The following DEUP1 variants were observed in gnomAD, a reference collection of about 807,000 sequenced individuals.
DEUP1 encodes the protein coiled-coil domain containing 67.
Under a neutral mutation model 87.4 loss-of-function variants are expected in DEUP1, and 82 were observed. The observed-to-expected ratio is 0.94, with a 90% CI of 0.78 to 1.13. The LOEUF (loss-of-function observed/expected upper bound fraction) is 1.13. Among genes scored for constraint, DEUP1 ranks in the 50% most tolerant of loss-of-function variants. The probability of loss-of-function intolerance (pLI) is 0.00; values close to 1 mark genes in which losing one functional copy is unlikely to be tolerated. For synonymous variants in DEUP1, 214 were observed against 222.7 expected, an observed-to-expected ratio of 0.96 and a Z score of 0.35; for missense variants, 663 against 681.5, an observed-to-expected ratio of 0.97 and a Z score of 0.30.
chr11:93,428,971 G>A (rs966404759), intron 13 of DEUP1, among the ~76,000 whole-genome samples: 1 of 152,078 alleles, frequency 6.6e-6, no homozygotes, highest in African/African-American at 2.4e-5. Flanking sequence ...TGTTTCTCTG[G>A]TGAATAATGA....
chr11:93,420,105 C>T (rs1947822851), intron 13 of DEUP1, among the ~76,000 whole-genome samples: 1 of 152,164 alleles, frequency 6.6e-6, no homozygotes, highest in African/African-American at 2.4e-5. Flanking sequence ...GGCAGAGACA[C>T]AACCAAATAA....
chr11:93,334,281 T>C (rs1214121263), intron 2 of DEUP1, among the ~76,000 whole-genome samples: 1 of 152,174 alleles, frequency 6.6e-6, no homozygotes, highest in Non-Finnish European at 1.5e-5. Flanking sequence ...GTTATGTAGC[T>C]TATTAAACCA....
At chr11:93,378,239 C>G (rs564887908) in intron 7 of DEUP1, among the ~76,000 whole-genome samples, 2 of 152,240 alleles carry the variant, frequency 1.3e-5, no homozygotes, top group East Asian at 3.9e-4. Context: ...TCAGGAACAC[C>G]AATTATTCTC....
At chr11:93,432,350 G>T (rs1055253808) in intron 13 of DEUP1, among the ~76,000 whole-genome samples, 1 of 152,272 alleles carries the variant, frequency 6.6e-6, no homozygotes, top group African/African-American at 2.4e-5. Context: ...AATGGATGTG[G>T]AATAATGAGG....
chr11:93,391,186 T>C (rs1369546929), intron 9 of DEUP1, among the ~76,000 whole-genome samples: 1 of 152,160 alleles, frequency 6.6e-6, no homozygotes, highest in African/African-American at 2.4e-5. Flanking sequence ...AAGTATTTTA[T>C]TTCTTTTCCT....
intron 8 of DEUP1, among the ~76,000 whole-genome samples, chr11:93,387,184 G>C (rs1175161098): frequency 6.6e-6 from 1 of 152,028 alleles, no homozygotes; most frequent in Admixed American, 6.6e-5. Flanking sequence ...AACTTCCATT[G>C]TATTTTAGAA....
chr11:93,417,040 A>T (rs1280888294), intron 13 of DEUP1, among the ~76,000 whole-genome samples: 1 of 151,264 alleles, frequency 6.6e-6, no homozygotes, highest in East Asian at 1.9e-4. Flanking sequence ...CAAAATAATA[A>T]GAGCTATCTA....
At chr11:93,387,392 T>A (rs1483610580) in intron 8 of DEUP1, among the ~76,000 whole-genome samples, 2 of 152,186 alleles carry the variant, frequency 1.3e-5, no homozygotes, top group African/African-American at 4.8e-5. Flanking sequence ...GGTAATGTTC[T>A]TATTCATTTT....
At chr11:93,397,545 T>A (rs1946979136) in intron 11 of DEUP1, among the ~76,000 whole-genome samples, 1 of 152,168 alleles carries the variant, frequency 6.6e-6, no homozygotes, top group Non-Finnish European at 1.5e-5. Context: ...ATATTCTGGG[T>A]CGTCACAGCC....
At chr11:93,405,537 C>A (rs1440058053) in intron 11 of DEUP1, among the ~76,000 whole-genome samples, 1 of 151,940 alleles carries the variant, frequency 6.6e-6, no homozygotes, top group Non-Finnish European at 1.5e-5. Flanking sequence ...GAAGCATTTT[C>A]TTCCATTCAA....
At chr11:93,334,962 T>C (rs1332821759) in intron 2 of DEUP1, among the ~76,000 whole-genome samples, 1 of 152,214 alleles carries the variant, frequency 6.6e-6, no homozygotes, top group Non-Finnish European at 1.5e-5. Context: ...TTCCCTTTTA[T>C]GGTTTATTCT....
chr11:93,331,500 CAT>C (rs2134850468), intron 1 of DEUP1, among the ~76,000 whole-genome samples: 1 of 152,020 alleles, frequency 6.6e-6, no homozygotes, highest in East Asian at 1.9e-4. Flanking sequence ...TCCTAAATCT[CAT>C]AGTTATAGTC....
chr11:93,354,556 G>A (rs1944787900), intron 2 of DEUP1, among the ~76,000 whole-genome samples: 1 of 152,152 alleles, frequency 6.6e-6, no homozygotes, highest in Non-Finnish European at 1.5e-5. Context: ...CGAGATTGGG[G>A]AGAAAAACAG....
At chr11:93,361,766 G>A (rs753987935) in intron 4 of DEUP1, among the ~76,000 whole-genome samples, 12 of 152,148 alleles carry the variant, frequency 7.9e-5, no homozygotes, top group Admixed American at 6.5e-4. Context: ...AAGGGCTTAA[G>A]CCTTGACATA....
At chr11:93,407,901 C>A (rs181354899) in intron 11 of DEUP1, among the ~76,000 whole-genome samples, 39 of 151,116 alleles carry the variant, frequency 2.6e-4, no homozygotes, top group African/African-American at 9.2e-4. Context: ...TCTGCACCAA[C>A]CTAAATAGAT....
intron 1 of DEUP1, among the ~76,000 whole-genome samples, 156 bp from the exon 2 acceptor site, chr11:93,332,059 CA>C (rs1199171310): frequency 2.0e-5 from 3 of 152,034 alleles, no homozygotes; most frequent in Non-Finnish European, 4.4e-5. Context: ...AACAAAAAAC[CA>C]AAACAGAAAA....
chr11:93,350,066 G>T (rs1944555768), intron 2 of DEUP1, among the ~76,000 whole-genome samples: 1 of 152,216 alleles, frequency 6.6e-6, no homozygotes, highest in African/African-American at 2.4e-5. Context: ...TGAGTTGGAA[G>T]TGGGGACAGA....
chr11:93,337,741 G>A (rs1188101085), intron 2 of DEUP1, among the ~76,000 whole-genome samples: 1 of 152,224 alleles, frequency 6.6e-6, no homozygotes, highest in Non-Finnish European at 1.5e-5. Context: ...TATTAGGAAG[G>A]AGAGAGAGGG....
At chr11:93,428,975 A>G (rs1440671390) in intron 13 of DEUP1, among the ~76,000 whole-genome samples, 3 of 152,168 alleles carry the variant, frequency 2.0e-5, no homozygotes, top group African/African-American at 2.4e-5. Flanking sequence ...TCTCTGGTGA[A>G]TAATGAGACT....
Sources: allele counts gnomAD v4.1 joint callset (sites outside exome capture counted in the v4.1 genomes callset), GRCh38; gene constraint gnomAD v4.1.1; transcripts MANE v1.5; gene names NCBI Gene and HGNC (gene_info 2026-07-23, HGNC 2026-07-21).